Variants in HMCN2 observed in about 807,000 individuals in gnomAD.
HMCN2 encodes the protein hemicentin-2.
Under a neutral mutation model 377.5 loss-of-function variants are expected in HMCN2, and 325 were observed. The ratio of observed to expected loss-of-function variants is 0.86; its 90% confidence interval spans 0.79 to 0.94. HMCN2 has a LOEUF of 0.94. HMCN2 is among the 40% of genes least tolerant of loss of function. HMCN2 has a pLI of 0.00. For synonymous variants in HMCN2, 2,007 were observed against 2,046.8 expected, an observed-to-expected ratio of 0.98 and a Z score of 0.53; for missense variants, 4,543 against 4,725.3, an observed-to-expected ratio of 0.96 and a Z score of 1.13.
At chr9:130,343,636 A>G (rs1359066246) in intron 25 of HMCN2, among the ~76,000 whole-genome samples, 1 of 152,040 alleles carries the variant, frequency 6.6e-6, no homozygotes, top group Non-Finnish European at 1.5e-5. Context: ...GGTGGGAGAC[A>G]GTGGAAGGTG....
At chr9:130,346,047 T>G (rs1839374102) in intron 25 of HMCN2, among the ~76,000 whole-genome samples, 1 of 152,024 alleles carries the variant, frequency 6.6e-6, no homozygotes, top group African/African-American at 2.4e-5. Context: ...CTGATGATAA[T>G]CAGTGTTAGC....
chr9:130,370,755 C>A (rs953106238), intron 45 of HMCN2, among the ~76,000 whole-genome samples: 1 of 152,200 alleles, frequency 6.6e-6, no homozygotes, highest in Non-Finnish European at 1.5e-5. Context: ...GCCCAAGGAG[C>A]CTGCCCGACT....
intron 35 of HMCN2, among the ~76,000 whole-genome samples, 169 bp downstream of exon 35, chr9:130,358,157 C>G (rs117881875): frequency 0.022 from 3,366 of 152,284 alleles, 42 homozygotes; most frequent in Middle Eastern, 0.061. Flanking sequence ...GTCCTAGGAG[C>G]TTCAGTTGTC....
Position 130,429,655 on chromosome 9 carries a change from C to CGGAT in HMCN2, c.14298_14301dup (p.Gln4768AspfsTer13). 1 of 1,544,476 alleles carries CGGAT rather than the reference C, an allele frequency of 6.5e-7. No homozygotes were observed. Among genetic ancestry groups the CGGAT allele is most frequent in the South Asian group, 1.2e-5 (1 of 83,294 alleles). ...CCGCTGCAGCTGCCCCAGGGGTTACCGGATGCAGGGCCCCAGCCTGCCCTG... is the reference window on the plus strand; with the variant it reads ...CCGCTGCAGCTGCCCCAGGGGTTACCGGATGGATGCAGGGCCCCAGCCTGCCCTG... On this transcript the variant is annotated frameshift_variant, in exon 94 of 98. Coordinates refer to ENST00000683500, the MANE Select transcript of HMCN2 (RefSeq NM_001291815.2). LOFTEE classifies it high-confidence loss of function.
At chr9:130,376,833 G>A (rs952864433) in intron 52 of HMCN2, among the ~76,000 whole-genome samples, 175 bp downstream of exon 52, 1 of 152,112 alleles carries the variant, frequency 6.6e-6, no homozygotes, top group African/African-American at 2.4e-5. Flanking sequence ...GTGTTGCTCT[G>A]TCACCAAGGC....
At chr9:130,349,425 T>G (rs1408844965) in intron 28 of HMCN2, 112 bp from the exon 29 acceptor site, 1 of 1,171,288 alleles carries the variant, frequency 8.5e-7, no homozygotes, top group Non-Finnish European at 1.1e-6. Context: ...CCCAGGAAGG[T>G]CAGGTAGGAG....
In HMCN2 at chr9:130,382,777, C is replaced by T. The variant is rs1288696414; in HGVS notation, c.8644C>T (p.Pro2882Ser). Residue 2882 changes from proline (P) to serine (S), a missense_variant, in exon 56 of 98, where the codon CCC becomes TCC. Physicochemically the swap from Pro to Ser is moderately conservative, Grantham distance 74 (BLOSUM62 -1). Around this residue, in one of 5 missense-constraint regions of HMCN2, gnomAD observed 736 missense variants for 773.2 expected, o/e 0.95. Coordinates refer to ENST00000683500, the MANE Select transcript of HMCN2 (RefSeq NM_001291815.2). ...CCTGCAGTGCCCGGCCCTGGGAAAC[C>T]CCGTGCCCACCATCTCATGGCTCCA... ...VSLQCPALGN[P>S]VPTISWLQNG... is the part of the protein sequence containing the mutation. 3 of 985,850 alleles carry T rather than the reference C, an allele frequency of 3.0e-6. No homozygotes were observed. The highest frequency in any genetic ancestry group is 3.6e-6 in the Non-Finnish European group (3 of 830,000). 61.1% of individuals were successfully genotyped at this position (985,850 alleles called of 1,614,324 possible).
Position 130,304,339 on chromosome 9 carries a change from G to T in HMCN2, c.1544-391G>T, listed in dbSNP as rs1836716477. Among the ~76,000 whole-genome samples the T allele has an allele frequency of 6.6e-6, 1 of 152,294 alleles. No homozygotes were observed. Among genetic ancestry groups the T allele is most frequent in the South Asian group, 2.1e-4 (1 of 4,828 alleles). On this transcript the variant is annotated intron_variant, in intron 10 of 97. Coordinates refer to ENST00000683500, the MANE Select transcript of HMCN2 (RefSeq NM_001291815.2). This position sits in a 1 kb window ranked among gnomAD's most constrained non-coding sequence, Gnocchi z 4.3. ...GCTGCTATAAATAGCCCTGCTGTTG[G>T]TACAGAGAATCGTTTTGAACACATT...
In HMCN2 at chr9:130,422,572, T is replaced by C; in HGVS notation, c.13232-5T>C. 9 of 1,315,580 alleles carry C rather than the reference T, an allele frequency of 6.8e-6. No homozygotes were observed. In the South Asian group the frequency reaches 1.4e-4, roughly 20 times the overall value. 81.5% of individuals were successfully genotyped at this position (1,315,580 alleles called of 1,614,324 possible). ...TGGCACTGTCATTCTTTCCCTTCCT[T>C]ACAGGGGAGCCCCAGGGGAGCTGGG... On this transcript the variant is annotated splice_polypyrimidine_tract_variant and splice_region_variant and intron_variant, in intron 86 of 97. Transcript: ENST00000683500. This position sits in a 1 kb window ranked among gnomAD's most constrained non-coding sequence, Gnocchi z 4.2.
rs60456645 is a variant in HMCN2 at position 130,302,049 on chromosome 9, C to CT, written c.1277-798dup. ...CATTTATACCCATCCTCTAGCTGTG[C>CT]TTTTTTTTTTGAGATGAAGTCTTGC... On this transcript the variant is annotated intron_variant, in intron 8 of 97. Coordinates refer to ENST00000683500, the MANE Select transcript of HMCN2 (RefSeq NM_001291815.2). Among the ~76,000 whole-genome samples, 16 of 147,498 alleles carry CT rather than the reference C, an allele frequency of 1.1e-4. No homozygotes were observed. In the East Asian group the frequency reaches 1.2e-3, roughly 11 times the overall value.
intron 74 of HMCN2, 26 bp downstream of exon 74, chr9:130,397,681 G>A (rs1403283308): frequency 7.8e-7 from 1 of 1,289,478 alleles, no homozygotes; most frequent in African/African-American, 1.5e-5. Flanking sequence ...AAGGCCTTCA[G>A]TGTCCAGTCC....
At chr9:130,344,903 G>A (rs1839267508) in intron 25 of HMCN2, among the ~76,000 whole-genome samples, 1 of 131,908 alleles carries the variant, frequency 7.6e-6, no homozygotes. Flanking sequence ...TATGTGGTGT[G>A]TGTGTGTGTG....
Position 130,392,024 on chromosome 9 carries a change from G to A in HMCN2, c.10042G>A (p.Gly3348Ser). Residue 3348 changes from glycine to serine, a missense_variant, in exon 66 of 98, where the codon GGC (glycine) becomes AGC (serine). Coordinates refer to ENST00000683500, the MANE Select transcript of HMCN2 (RefSeq NM_001291815.2). ...ELVTMVCPVR[G>S]SPPIHVSWLK... ...GGTGACCATGGTGTGCCCTGTGCGG[G>A]GCTCCCCGCCCATCCACGTGAGCTG... The A allele has an allele frequency of 1.0e-6, 1 of 988,352 alleles. No homozygotes were observed. The highest frequency in any genetic ancestry group is 1.2e-6 in the Non-Finnish European group (1 of 830,382). 61.2% of individuals were successfully genotyped at this position (988,352 alleles called of 1,614,324 possible).
At chr9:130,431,065 G>A (rs76142239) in intron 95 of HMCN2, 10,611 of 505,604 alleles carry the variant, frequency 0.021, 163 homozygotes, top group South Asian at 0.035. Flanking sequence ...ACAAAGAGGA[G>A]GTGGCCTGCC....
intron 86 of HMCN2, among the ~76,000 whole-genome samples, chr9:130,420,722 C>T (rs1295782567): frequency 2.6e-5 from 4 of 152,028 alleles, no homozygotes; most frequent in African/African-American, 9.7e-5. Flanking sequence ...GTCTACACTT[C>T]CCTATTTATA....
chr9:130,329,115 C>T (rs1490129867), intron 22 of HMCN2, among the ~76,000 whole-genome samples: 1 of 152,216 alleles, frequency 6.6e-6, no homozygotes, highest in East Asian at 1.9e-4. Flanking sequence ...TCATCACCCT[C>T]CCAAAAAAAC....
At position 130,360,567 on chromosome 9, in the gene HMCN2, A is replaced by G. The variant is rs1241209107; in HGVS notation, c.5913A>G (p.Ala1971=). The change falls in exon 38 of 98, where the codon GCA becomes GCG. Residue 1971 remains alanine, a synonymous_variant. Coordinates refer to ENST00000683500, the MANE Select transcript of HMCN2 (RefSeq NM_001291815.2). The surrounding 1 kb of genome is among the most constrained non-coding windows in gnomAD (Gnocchi z 4.7). ...ACCGCTGTGTGGCATCCAATGTGGC[A>G]GGTAGCACAGAGCTGCGGTATGGCC... ...GSYRCVASNV[A]GSTELRYGLR... 1.5e-6 allele frequency: 2 copies of G among 1,303,988 alleles called. No individual in the cohort carries two copies. Among genetic ancestry groups the G allele is most frequent in the Non-Finnish European group, 2.0e-6 (2 of 988,784 alleles). The allele number at this position is 1,303,988 out of a possible 1,614,324, so 80.8% of individuals were successfully genotyped here.
At chr9:130,409,129 A>C (rs1843273261) in intron 84 of HMCN2, among the ~76,000 whole-genome samples, 196 bp downstream of exon 84, 1 of 152,210 alleles carries the variant, frequency 6.6e-6, no homozygotes, top group Admixed American at 6.5e-5. Flanking sequence ...TTCCTCCGTC[A>C]TCCACCCATT....
chr9:130,425,817 G>GC lies in HMCN2; in HGVS notation c.13777dup (p.Gln4593ProfsTer18). The GC allele has an allele frequency of 6.4e-7, 1 of 1,550,460 alleles. No individual in the cohort carries two copies. Among genetic ancestry groups the GC allele is most frequent in the South Asian group, 1.2e-5 (1 of 84,056 alleles). Reference sequence around the variant, plus strand: ...AGCATCCAGTACAACGCGGCCCGGGGCCCCCAGCCCCAGCTGGTGCAGCAC... The same window carrying GC: ...AGCATCCAGTACAACGCGGCCCGGGGCCCCCCAGCCCCAGCTGGTGCAGCAC... On this transcript the variant is annotated frameshift_variant, in exon 90 of 98. Transcript: ENST00000683500. LOFTEE classifies it high-confidence loss of function.
Sources: gnomAD v4.1 joint callset for allele counts (sites outside exome capture counted in the v4.1 genomes callset) on GRCh38, gnomAD v4.1.1 for gene constraint, gnomAD v4.1.1 regional missense constraint, Gnocchi (gnomAD v3.1) non-coding constraint, MANE v1.5 for transcripts, NCBI Gene and HGNC (gene_info 2026-07-23, HGNC 2026-07-21) for gene names.